Variants in TMEM117 observed in about 807,000 individuals in gnomAD.
The protein encoded by TMEM117 is transmembrane protein 117.
In TMEM117, 27 loss-of-function variants were observed where a neutral mutation model predicts 52.4. That is an observed-to-expected ratio of 0.51 (90% CI 0.38 to 0.71). TMEM117 has a LOEUF of 0.71. Ranked by LOEUF, TMEM117 falls within the 30% of genes least tolerant of loss-of-function variation. The probability of loss-of-function intolerance (pLI) is 0.00; values close to 1 mark genes in which losing one functional copy is unlikely to be tolerated. For missense variants in TMEM117, 556 were observed against 630.5 expected, an observed-to-expected ratio of 0.88 and a Z score of 1.26; for synonymous variants, 215 against 206.3, an observed-to-expected ratio of 1.04 and a Z score of -0.36.
chr12:44,296,294 A>G (rs1442311478), intron 5 of TMEM117, among the ~76,000 whole-genome samples: 1 of 152,174 alleles, frequency 6.6e-6, no homozygotes, highest in African/African-American at 2.4e-5. Context: ...GGTCAGGCAG[A>G]ACTGGTCCTG....
At chr12:43,857,936 A>G (rs1943428332) in intron 2 of TMEM117, among the ~76,000 whole-genome samples, 1 of 152,186 alleles carries the variant, frequency 6.6e-6, no homozygotes, top group South Asian at 2.1e-4. Flanking sequence ...TGATATGGTA[A>G]CTATGTTGCC....
intron 3 of TMEM117, among the ~76,000 whole-genome samples, chr12:43,977,926 A>G (rs1234484041): frequency 1.3e-5 from 2 of 152,216 alleles, no homozygotes; most frequent in East Asian, 3.8e-4. Flanking sequence ...CAATGGATAC[A>G]TGTACATATG....
chr12:44,135,046 C>T (rs1159229474), intron 3 of TMEM117, among the ~76,000 whole-genome samples: 5 of 152,170 alleles, frequency 3.3e-5, no homozygotes, highest in Non-Finnish European at 7.4e-5. Context: ...GCCACTCTCA[C>T]TCTCTTTCCT....
At chr12:43,801,041 C>T in the TMEM117 span, among the ~76,000 whole-genome samples, 8 of 151,986 alleles carry the variant, frequency 5.3e-5, no homozygotes, top group Non-Finnish European at 7.4e-5. Flanking sequence ...CATGAGCCAC[C>T]GTGCCTGGCC....
chr12:44,084,710 G>A (rs1482150776), intron 3 of TMEM117, among the ~76,000 whole-genome samples: 1 of 152,108 alleles, frequency 6.6e-6, no homozygotes, highest in East Asian at 1.9e-4. Context: ...CCCATGCTAA[G>A]CCTAATTTAC....
chr12:44,223,970 C>T (rs868422507), intron 5 of TMEM117, among the ~76,000 whole-genome samples: 27 of 152,248 alleles, frequency 1.8e-4, no homozygotes, highest in Middle Eastern at 6.8e-3. Flanking sequence ...CAATCTACTG[C>T]GCTTCCATAT....
intron 6 of TMEM117, among the ~76,000 whole-genome samples, chr12:44,352,592 A>G (rs1342438621): frequency 6.6e-6 from 1 of 152,104 alleles, no homozygotes; most frequent in Non-Finnish European, 1.5e-5. Context: ...GATGGTTTCC[A>G]GCTTCATCCA....
At chr12:43,818,633 G>T in the TMEM117 span, among the ~76,000 whole-genome samples, 2 of 152,044 alleles carry the variant, frequency 1.3e-5, no homozygotes, top group Non-Finnish European at 2.9e-5. Context: ...TAGAGACGGG[G>T]TTTCACCATG....
intron 5 of TMEM117, among the ~76,000 whole-genome samples, chr12:44,261,776 C>G (rs78919830): frequency 6.6e-6 from 1 of 152,104 alleles, no homozygotes; most frequent in Non-Finnish European, 1.5e-5. Context: ...CCTTCACATG[C>G]GCAGCATTTT....
the TMEM117 span, chr12:43,802,604 TAACATAGAAA>T: frequency 7.9e-6 from 5 of 630,974 alleles, no homozygotes; most frequent in African/African-American, 9.6e-5. Flanking sequence ...AAAAATGTGG[TAACATAGAAA>T]GTAATTATGA....
intron 3 of TMEM117, among the ~76,000 whole-genome samples, chr12:43,961,619 A>G (rs1186177724): frequency 6.6e-6 from 1 of 152,230 alleles, no homozygotes; most frequent in Non-Finnish European, 1.5e-5. Context: ...AGGGTTCACA[A>G]GTTATATTAA....
intron 2 of TMEM117, among the ~76,000 whole-genome samples, chr12:43,855,268 CTT>C (rs768851743): frequency 7.0e-4 from 102 of 144,688 alleles, no homozygotes; most frequent in Non-Finnish European, 1.2e-3. Context: ...TTCTTTTTTT[CTT>C]TTTTTTTTTG....
chr12:43,842,748 G>A (rs1366571717), intron 1 of TMEM117, among the ~76,000 whole-genome samples: 7 of 151,672 alleles, frequency 4.6e-5, no homozygotes, highest in Admixed American at 6.6e-5. Context: ...ACACGTGCAC[G>A]CACACACACA....
intron 3 of TMEM117, among the ~76,000 whole-genome samples, chr12:44,046,324 A>G (rs1387324731): frequency 6.6e-6 from 1 of 152,176 alleles, no homozygotes; most frequent in East Asian, 1.9e-4. Context: ...AAGTCAACAG[A>G]CTAACAAGGG....
chr12:43,832,330 T>TACAG (rs1380125448), upstream of TMEM117, among the ~76,000 whole-genome samples: 1 of 152,218 alleles, frequency 6.6e-6, no homozygotes, highest in African/African-American at 2.4e-5. Context: ...TGGCAGACAC[T>TACAG]ACAGGTGTTT....
intron 5 of TMEM117, among the ~76,000 whole-genome samples, chr12:44,264,685 C>A (rs1950356470): frequency 6.6e-6 from 1 of 151,948 alleles, no homozygotes; most frequent in African/African-American, 2.4e-5. Flanking sequence ...TCTGAAAAAA[C>A]AGATGCTTTT....
At chr12:44,010,217 G>A (rs1165508706) in intron 3 of TMEM117, 1 of 492,588 alleles carries the variant, frequency 2.0e-6, no homozygotes, top group Non-Finnish European at 4.1e-6. Context: ...AAATGAGGGT[G>A]CATCAGGTTT....
At position 43,859,917 on chromosome 12, in the gene TMEM117, C is replaced by T. The variant is rs138005722; in HGVS notation, c.277+14989C>T. Among the ~76,000 whole-genome samples, 282 of 152,194 alleles carry T rather than the reference C, an allele frequency of 1.9e-3. 1 individual carries two copies. The highest frequency in any genetic ancestry group is 6.2e-3 in the African/African-American group (256 of 41,526). On this transcript the variant is annotated intron_variant, in intron 2 of 7. Transcript: ENST00000266534. The stretch of plus-strand genomic sequence containing the variant: ...TATTCTCCAAGTTTGCTGAAAGAAA[C>T]AAATGTGTGGTTCTGGTGGTTATTT...
At chr12:44,028,037 C>CA (rs1192765449) in intron 3 of TMEM117, among the ~76,000 whole-genome samples, 2 of 152,042 alleles carry the variant, frequency 1.3e-5, no homozygotes, top group Admixed American at 1.3e-4. Context: ...ACTAAAAATA[C>CA]AAAAAATTAG....
Sources: gnomAD v4.1 joint callset for allele counts (sites outside exome capture counted in the v4.1 genomes callset) on GRCh38, gnomAD v4.1.1 for gene constraint, MANE v1.5 for transcripts, NCBI Gene and HGNC (gene_info 2026-07-23, HGNC 2026-07-21) for gene names.